SYNE1: variants seen among roughly 807,000 people sequenced by gnomAD.
SYNE1 encodes spectrin repeat containing nuclear envelope protein 1, also known as nesprin-1.
SYNE1 carries 616 observed loss-of-function variants against 1,111.0 expected under a neutral mutation model. The ratio of observed to expected loss-of-function variants is 0.55; its 90% CI spans 0.52 to 0.59. The LOEUF (loss-of-function observed/expected upper bound fraction) is 0.59, where lower values mean the gene tolerates loss of function less well. Ranked by LOEUF, SYNE1 falls within the 20% of genes least tolerant of loss-of-function variation. SYNE1 has a pLI of 0.00. For missense variants in SYNE1, 10,006 were observed against 10,417.0 expected, an observed-to-expected ratio of 0.96 and a Z score of 1.72; for synonymous variants, 3,855 against 3,825.8, an observed-to-expected ratio of 1.01 and a Z score of -0.28.
chr6:152,430,769 G>C, intron 34 of SYNE1, 60 bp from the exon 35 acceptor site: 1 of 1,436,162 alleles, frequency 7.0e-7, no homozygotes, highest in Non-Finnish European at 9.8e-7. Flanking sequence ...TTCCTGAAAT[G>C]ATACAATTAT....
intron 3 of SYNE1, among the ~76,000 whole-genome samples, chr6:152,608,161 A>AAAC (rs2099621389): frequency 7.5e-5 from 1 of 13,412 alleles, no homozygotes; most frequent in Non-Finnish European, 1.9e-4. Context: ...AAAATAAATA[A>AAAC]ATAAAAATAA....
intron 3 of SYNE1, among the ~76,000 whole-genome samples, chr6:152,608,871 T>G (rs2099623276): frequency 6.6e-6 from 1 of 152,076 alleles, no homozygotes; most frequent in Non-Finnish European, 1.5e-5. Flanking sequence ...AGGCAGAGGT[T>G]GCAGTGAGCC....
intron 3 of SYNE1, among the ~76,000 whole-genome samples, chr6:152,591,731 G>T (rs1018502174): frequency 2.6e-5 from 4 of 151,966 alleles, no homozygotes; most frequent in African/African-American, 9.7e-5. Context: ...GCATCCTACA[G>T]AATAAGAGCA....
rs765942984 is a variant in SYNE1 at position 152,369,103 on chromosome 6, A to G, written c.9676T>C (p.Tyr3226His). The G allele has an allele frequency of 8.7e-6, 14 of 1,613,818 alleles. No individual in the cohort carries two copies. The highest frequency in any genetic ancestry group is 1.2e-5 in the Non-Finnish European group (14 of 1,180,034). ...TTCAGCCTGTTGAGCTGAGGCTCGT[A>G]GCAGTGTATTTCCTCAAGGACAGAC... The part of the protein sequence containing the change: ...LQSVLEEIHC[Y>H]EPQLNRLKEK... The change falls in exon 61 of 146, where the codon TAC becomes CAC. Residue 3226 changes from tyrosine (Y) to histidine (H), a missense_variant. Physicochemically the swap from Tyr to His is moderately conservative, Grantham distance 83 (BLOSUM62 2). Transcript: ENST00000367255.
At position 152,371,900 on chromosome 6, in the gene SYNE1, A is replaced by AAGGACAGGAC. The variant is rs1563461409; in HGVS notation, c.9507+1136_9507+1137insGTCCTGTCCT. Among the ~76,000 whole-genome samples, 89 of 90,308 alleles carry AAGGACAGGAC rather than the reference A, an allele frequency of 9.9e-4. 8 individuals carry two copies. The highest frequency in any genetic ancestry group is 3.9e-3 in the African/African-American group (83 of 21,212). 59.2% of individuals were successfully genotyped at this position (90,308 alleles called of 152,430 possible). A position where few individuals can be genotyped will look rare whatever the true frequency, so the allele number is the denominator to read the frequency against. ...AAGGAAAGGAAAGGAAAGGAAAGGA[A>AAGGACAGGAC]AGGAAAGGAAAGGAAAGGAAAGGAC... On this transcript the variant is annotated intron_variant, in intron 59 of 145. Coordinates refer to ENST00000367255, the MANE Select transcript of SYNE1 (RefSeq NM_182961.4).
At position 152,447,661 on chromosome 6, in the gene SYNE1, T is replaced by G. The variant is rs502268; in HGVS notation, c.3505-39A>C. 723,477 of 1,612,256 alleles carry G rather than the reference T, an allele frequency of 0.45. 169,975 individuals carry two copies. Among genetic ancestry groups the G allele is most frequent in the East Asian group, 0.79 (35,246 of 44,870 alleles). On this transcript the variant is annotated intron_variant, in intron 28 of 145. Coordinates refer to ENST00000367255, the MANE Select transcript of SYNE1 (RefSeq NM_182961.4). The stretch of plus-strand genomic sequence containing the variant: ...ACACTTTTGATGAACACAGTGCAAT[T>G]GTGAAATCATAACTTTCCAGCAATA...
chr6:152,510,435 T>C, intron 7 of SYNE1, 64 bp from the exon 8 acceptor site: 1 of 1,561,020 alleles, frequency 6.4e-7, no homozygotes, highest in South Asian at 1.2e-5. Flanking sequence ...TCCTCAGATG[T>C]TTTACTTTTC....
At chr6:152,130,186 G>C (rs994678369) in intron 145 of SYNE1, among the ~76,000 whole-genome samples, 3 of 152,196 alleles carry the variant, frequency 2.0e-5, no homozygotes, top group Non-Finnish European at 4.4e-5. Context: ...ATAAGCAGAA[G>C]AGAGAAGGTA....
chr6:152,429,126 A>T (rs189744754), intron 36 of SYNE1, among the ~76,000 whole-genome samples: 283 of 141,360 alleles, frequency 2.0e-3, no homozygotes, highest in African/African-American at 6.8e-3. Context: ...ATAATGACAC[A>T]GTGCCTCAGA....
chr6:152,418,642 T>G (rs2098204350), intron 40 of SYNE1, among the ~76,000 whole-genome samples: 1 of 152,200 alleles, frequency 6.6e-6, no homozygotes. Context: ...GACTTTAAAC[T>G]GAGAGAACCT....
intron 130 of SYNE1, 41 bp downstream of exon 130, chr6:152,176,353 A>G: frequency 1.2e-6 from 2 of 1,613,114 alleles, no homozygotes; most frequent in East Asian, 4.5e-5. Flanking sequence ...AGGCTTTAAA[A>G]TACTGCCCAC....
intron 78 of SYNE1, among the ~76,000 whole-genome samples, chr6:152,329,342 A>G (rs886204499): frequency 1.3e-5 from 2 of 152,230 alleles, no homozygotes; most frequent in African/African-American, 2.4e-5. Flanking sequence ...CTTGGCCAAC[A>G]TAATGAAACC....
At chr6:152,413,599 A>G (rs540102886) in intron 41 of SYNE1, 68 bp from the exon 42 acceptor site, 9 of 1,505,778 alleles carry the variant, frequency 6.0e-6, no homozygotes, top group Non-Finnish European at 8.3e-6. Context: ...CTTCTCCGTA[A>G]GTATATGATG....
intron 135 of SYNE1, among the ~76,000 whole-genome samples, chr6:152,149,968 C>T (rs1336374870): frequency 6.6e-6 from 1 of 152,126 alleles, no homozygotes; most frequent in African/African-American, 2.4e-5. Context: ...AATATTCAAA[C>T]CCACCGTAAG....
At chr6:152,490,831 T>C (rs2098966451) in intron 11 of SYNE1, among the ~76,000 whole-genome samples, 1 of 152,186 alleles carries the variant, frequency 6.6e-6, no homozygotes, top group Non-Finnish European at 1.5e-5. Flanking sequence ...GATCCACCTA[T>C]GACCTTGGGT....
chr6:152,218,233 G>A, intron 121 of SYNE1, 24 bp downstream of exon 121: 2 of 1,613,614 alleles, frequency 1.2e-6, no homozygotes, highest in South Asian at 1.1e-5. Context: ...AAAAGATCTG[G>A]GACTCAGATT....
In SYNE1 at chr6:152,628,163, C is replaced by T. The variant is rs1030663020; in HGVS notation, c.67+102G>A. On this transcript the variant is annotated intron_variant, in intron 3 of 145. Coordinates refer to ENST00000367255, the MANE Select transcript of SYNE1 (RefSeq NM_182961.4). ...ATAAAGACATCCATCCCATTCTGGG[C>T]TATAATTCCATGAAATTGAGTAAAA... 22 of 1,275,108 alleles carry T rather than the reference C, an allele frequency of 1.7e-5. No homozygotes were observed. The Admixed American group carries it at 2.7e-4, about 16-fold the overall frequency. 79.0% of individuals were successfully genotyped at this position (1,275,108 alleles called of 1,614,324 possible).
At chr6:152,573,997 C>G (rs546239008) in intron 3 of SYNE1, among the ~76,000 whole-genome samples, 1 of 152,104 alleles carries the variant, frequency 6.6e-6, no homozygotes, top group South Asian at 2.1e-4. Flanking sequence ...TAGAGATGTT[C>G]AACCAAGCTC....
At chr6:152,147,384 C>T (rs578074561) in intron 137 of SYNE1, 1 of 152,420 alleles carries the variant, frequency 6.6e-6, no homozygotes, top group Admixed American at 6.5e-5. Flanking sequence ...GGGAGGATCC[C>T]AGCACCTCCC....
Sources: allele counts gnomAD v4.1 joint callset (sites outside exome capture counted in the v4.1 genomes callset), GRCh38; gene constraint gnomAD v4.1.1; transcripts MANE v1.5; gene names NCBI Gene and HGNC (gene_info 2026-07-23, HGNC 2026-07-21).